The following KIF16B variants were observed in gnomAD, a reference collection of about 807,000 sequenced individuals.
KIF16B encodes the protein kinesin family member 16B.
A neutral mutation model predicts 156.3 loss-of-function variants in KIF16B; 98 were observed. The ratio of observed to expected loss-of-function variants is 0.63; its 90% CI spans 0.53 to 0.74. The LOEUF (loss-of-function observed/expected upper bound fraction) is 0.74, where lower values mean the gene tolerates loss of function less well. KIF16B is among the 30% of genes least tolerant of loss of function. KIF16B has a pLI of 0.00. For synonymous variants in KIF16B, 564 were observed against 583.7 expected (o/e 0.97, Z 0.49); for missense variants, 1,421 against 1,606.5 (o/e 0.88, Z 1.97).
At chr20:16,357,163 TG>T (rs567194928) in intron 22 of KIF16B, among the ~76,000 whole-genome samples, 1 of 152,212 alleles carries the variant, frequency 6.6e-6, no homozygotes, top group African/African-American at 2.4e-5. Context: ...TGCATTAAGC[TG>T]GGGGCTTTAG....
intron 16 of KIF16B, 26 bp downstream of exon 16, chr20:16,406,348 C>T (rs1236884922): frequency 1.9e-6 from 3 of 1,602,260 alleles, no homozygotes; most frequent in East Asian, 2.2e-5. Context: ...TCAGTGGTTC[C>T]CTCCTAGAGA....
chr20:16,514,590 A>G lies in KIF16B; in HGVS notation c.348+958T>C, dbSNP rs1287422967. On this transcript the variant is annotated intron_variant, in intron 4 of 25. Coordinates refer to ENST00000354981, the MANE Select transcript of KIF16B (RefSeq NM_024704.5). ...CTCTCACTAAGAAATAAGAAAAAAA[A>G]AAAAAAAAAAAAAAAACAGGCCAGG... Among the ~76,000 whole-genome samples the G allele has an allele frequency of 6.7e-3, 994 of 149,188 alleles. 6 individuals are homozygous for G. Among genetic ancestry groups the G allele is most frequent in the Admixed American group, 0.019 (280 of 15,014 alleles).
chr20:16,435,733 T>C (rs76920217), intron 12 of KIF16B, among the ~76,000 whole-genome samples: 1 of 152,210 alleles, frequency 6.6e-6, no homozygotes, highest in Non-Finnish European at 1.5e-5. Flanking sequence ...ATCATTCCAT[T>C]TGTGTTCAAT....
At chr20:16,381,576 A>G (rs755244248) in intron 18 of KIF16B, 118 bp downstream of exon 18, 2 of 619,506 alleles carry the variant, frequency 3.2e-6, no homozygotes, top group Non-Finnish European at 5.2e-6. Context: ...TAAATAACAG[A>G]TAACAGACAC....
At chr20:16,459,325 A>C (rs116412771) in intron 12 of KIF16B, among the ~76,000 whole-genome samples, 59 of 152,300 alleles carry the variant, frequency 3.9e-4, no homozygotes, top group African/African-American at 1.4e-3. Flanking sequence ...CTTAATCAAC[A>C]CTGTGGCTGG....
At chr20:16,521,712 A>G (rs1037096197) in intron 3 of KIF16B, among the ~76,000 whole-genome samples, 1 of 152,162 alleles carries the variant, frequency 6.6e-6, no homozygotes, top group African/African-American at 2.4e-5. Context: ...CCCAAGACAC[A>G]TAATCGTCAG....
At chr20:16,531,835 G>A (rs969482227) in intron 1 of KIF16B, among the ~76,000 whole-genome samples, 2 of 152,104 alleles carry the variant, frequency 1.3e-5, no homozygotes, top group Non-Finnish European at 2.9e-5. Context: ...TTGGGAGGCC[G>A]AGGCAAGTGG....
intron 1 of KIF16B, among the ~76,000 whole-genome samples, chr20:16,532,980 C>A (rs2069815622): frequency 6.6e-6 from 1 of 152,190 alleles, no homozygotes. Context: ...GTAACCAGGG[C>A]AGTGCGTTCC....
chr20:16,385,991 T>C (rs185006426), intron 17 of KIF16B, among the ~76,000 whole-genome samples: 32 of 152,304 alleles, frequency 2.1e-4, no homozygotes, highest in Admixed American at 1.8e-3. Context: ...TTTACACTTA[T>C]AGAATCCAAT....
At chr20:16,509,830 T>C (rs2068901914) in intron 6 of KIF16B, among the ~76,000 whole-genome samples, 1 of 152,252 alleles carries the variant, frequency 6.6e-6, no homozygotes, top group African/African-American at 2.4e-5. Flanking sequence ...TATTCTTTGT[T>C]TAACCATTTC....
intron 17 of KIF16B, among the ~76,000 whole-genome samples, chr20:16,388,933 T>A (rs990881659): frequency 3.3e-5 from 5 of 152,114 alleles, no homozygotes; most frequent in African/African-American, 1.2e-4. Context: ...ACTGCCCAGG[T>A]CCAGTCAATG....
chr20:16,314,078 T>C (rs2063660946), intron 24 of KIF16B, among the ~76,000 whole-genome samples: 1 of 152,194 alleles, frequency 6.6e-6, no homozygotes, highest in Non-Finnish European at 1.5e-5. Context: ...ATGTGGTTGC[T>C]CCAGATCTTC....
chr20:16,369,486 T>C (rs1252071137), intron 22 of KIF16B, among the ~76,000 whole-genome samples: 1 of 152,170 alleles, frequency 6.6e-6, no homozygotes, highest in Admixed American at 6.5e-5. Flanking sequence ...TATAAATCAC[T>C]GAGAATTTTG....
At chr20:16,338,210 A>G (rs1343646411) in intron 23 of KIF16B, among the ~76,000 whole-genome samples, 2 of 152,102 alleles carry the variant, frequency 1.3e-5, no homozygotes, top group Non-Finnish European at 2.9e-5. Context: ...AATGCTCTCC[A>G]GCCGGGACTG....
rs2064446684 is a variant in KIF16B, at chr20:16,356,525, T to C, written c.3499-73A>G. On this transcript the variant is annotated intron_variant, in intron 22 of 25. Coordinates refer to ENST00000354981, the MANE Select transcript of KIF16B (RefSeq NM_024704.5). ...CTCCACTGCAAATATCCTGCTCGGG[T>C]AGGAGGGAGAAAATGTGTTTCAAGT... 4 of 1,542,670 alleles carry C rather than the reference T, an allele frequency of 2.6e-6. No homozygotes were observed. In the South Asian group the frequency reaches 4.6e-5, roughly 18 times the overall value.
rs374146836 is a variant in KIF16B at position 16,361,991 on chromosome 20, C to T, written c.3499-5539G>A. 6.4e-4 allele frequency among the ~76,000 whole-genome samples: 98 copies of T among 152,282 alleles called. 1 individual carries two copies. Among genetic ancestry groups the T allele is most frequent in the Admixed American group, 1.4e-3 (22 of 15,284 alleles). On this transcript the variant is annotated intron_variant, in intron 22 of 25. Transcript: ENST00000354981. ...CATCTTTGAACAATGTATCAATTAA[C>T]GGCTGATTTTAAAAAGATTAAATAT...
At chr20:16,558,403 C>T (rs1186075222) in intron 1 of KIF16B, among the ~76,000 whole-genome samples, 3 of 152,228 alleles carry the variant, frequency 2.0e-5, no homozygotes, top group East Asian at 3.9e-4. Context: ...GTCTCTCCCA[C>T]ACCAAAGCAG....
Position 16,344,341 on chromosome 20 carries a change from T to C in KIF16B, c.3622-8326A>G, listed in dbSNP as rs930204866. On this transcript the variant is annotated intron_variant, in intron 23 of 25. Coordinates refer to ENST00000354981, the MANE Select transcript of KIF16B (RefSeq NM_024704.5). ...AGGCTGCCATCTGATTGCTCCTCGATGTGATCTGCCTCTGCCATCCCCAAA... is the reference window on the plus strand; with the variant it reads ...AGGCTGCCATCTGATTGCTCCTCGACGTGATCTGCCTCTGCCATCCCCAAA... 2.6e-5 allele frequency among the ~76,000 whole-genome samples: 4 copies of C among 152,338 alleles called. No homozygotes were observed. In the South Asian group the frequency reaches 8.3e-4, roughly 32 times the overall value.
At chr20:16,423,110 G>T (rs1024403277) in intron 15 of KIF16B, among the ~76,000 whole-genome samples, 4 of 152,084 alleles carry the variant, frequency 2.6e-5, no homozygotes, top group South Asian at 2.1e-4. Flanking sequence ...CTTCAAAAGG[G>T]AGGTGGGTAT....
Sources: allele counts gnomAD v4.1 joint callset (sites outside exome capture counted in the v4.1 genomes callset), GRCh38; gene constraint gnomAD v4.1.1; transcripts MANE v1.5; gene names NCBI Gene and HGNC (gene_info 2026-07-23, HGNC 2026-07-21).